Variants in PTK7 observed in about 807,000 individuals in gnomAD.
PTK7 encodes inactive tyrosine-protein kinase 7.
Under a neutral mutation model 116.6 loss-of-function variants are expected in PTK7, and 39 were observed. That is an observed-to-expected ratio of 0.33 (90% CI 0.26 to 0.44). The LOEUF (loss-of-function observed/expected upper bound fraction) is 0.44, where lower values mean the gene tolerates loss of function less well. Ranked by LOEUF, PTK7 falls within the 20% of genes least tolerant of loss-of-function variation. The probability of loss-of-function intolerance (pLI) is 1.00; values close to 1 mark genes in which losing one functional copy is unlikely to be tolerated. For missense variants in PTK7, 1,169 were observed against 1,425.6 expected, an observed-to-expected ratio of 0.82 and a Z score of 2.90; for synonymous variants, 546 against 563.6, an observed-to-expected ratio of 0.97 and a Z score of 0.44.
chr6:43,144,211 G>C, intron 14 of PTK7: 1 of 536,576 alleles, frequency 1.9e-6, no homozygotes, highest in South Asian at 2.4e-5. Flanking sequence ...TCTGCAGTTG[G>C]CTTCATCTCA....
rs1771830451 is a variant in PTK7, at chr6:43,161,283, A to G, written c.*402A>G. On this transcript the variant is annotated 3_prime_UTR_variant, in exon 20 of 20. Transcript: ENST00000230419. ...CTGGGTTTGTGGGGAGTTCCTTAAT[A>G]TTCTCAAGTTCTGGGCACACAGGGT... 5.0e-6 allele frequency: 1 copy of G among 199,820 alleles called. No individual in the cohort carries two copies. The highest frequency in any genetic ancestry group is 5.3e-5 in the Admixed American group (1 of 19,014). 12.4% of individuals were successfully genotyped at this position (199,820 alleles called of 1,614,324 possible).
rs55849103 is a variant in PTK7, at chr6:43,132,106, C to T, written c.903C>T (p.Cys301=). 1.8e-4 allele frequency: 287 copies of T among 1,614,108 alleles called. 1 individual carries two copies. The East Asian group carries it at 6.1e-3, about 34-fold the overall frequency. The part of the protein sequence containing the change: ...VRPRNAGIYR[C]IGQGQRGPPI... ...CACGCAATGCAGGGATCTACCGCTG[C>T]ATTGGCCAGGGGCAGAGGGGCCCAC... is the stretch of plus-strand genomic sequence containing the variant. Residue 301 remains cysteine (C), a synonymous_variant, in exon 6 of 20, where the codon TGC becomes TGT. Transcript: ENST00000230419.
intron 17 of PTK7, among the ~76,000 whole-genome samples, chr6:43,155,409 G>A (rs1441424847): frequency 2.0e-5 from 3 of 151,982 alleles, no homozygotes; most frequent in Non-Finnish European, 2.9e-5. Context: ...TTTGGGAGCC[G>A]AGGCAGGTGG....
intron 1 of PTK7, among the ~76,000 whole-genome samples, chr6:43,088,779 G>A (rs903048986): frequency 2.0e-5 from 3 of 152,136 alleles, no homozygotes; most frequent in African/African-American, 7.2e-5. Context: ...AGAACACTGT[G>A]CCTAAATCCC....
intron 17 of PTK7, among the ~76,000 whole-genome samples, chr6:43,149,840 T>C (rs1014548679): frequency 2.6e-5 from 4 of 152,126 alleles, no homozygotes; most frequent in African/African-American, 9.7e-5. Context: ...GAAATGGGGG[T>C]CTCGCCATGT....
At chr6:43,155,623 T>C (rs539610229) in intron 17 of PTK7, among the ~76,000 whole-genome samples, 2 of 150,420 alleles carry the variant, frequency 1.3e-5, no homozygotes, top group African/African-American at 4.9e-5. Context: ...CACTCCAGCC[T>C]GGCAACAGAA....
At chr6:43,109,780 ACT>A (rs1422683563) in intron 1 of PTK7, among the ~76,000 whole-genome samples, 1 of 147,180 alleles carries the variant, frequency 6.8e-6, no homozygotes, top group African/African-American at 2.5e-5. Context: ...CTCACTGCAA[ACT>A]CTGCCTCCCG....
chr6:43,152,017 T>G (rs973737450), intron 17 of PTK7, among the ~76,000 whole-genome samples: 2 of 151,868 alleles, frequency 1.3e-5, no homozygotes, highest in Non-Finnish European at 2.9e-5. Flanking sequence ...ACTAATTTTT[T>G]GTATTTTTTT....
chr6:43,112,583 T>C (rs1768255845), intron 1 of PTK7, among the ~76,000 whole-genome samples: 1 of 152,124 alleles, frequency 6.6e-6, no homozygotes, highest in Non-Finnish European at 1.5e-5. Flanking sequence ...CTGGCTAATT[T>C]TTGTATTTTT....
chr6:43,087,976 G>A (rs976253701), intron 1 of PTK7, among the ~76,000 whole-genome samples: 2 of 152,176 alleles, frequency 1.3e-5, no homozygotes, highest in Non-Finnish European at 2.9e-5. Flanking sequence ...ACAAAAGTAC[G>A]ATCTGCCTAG....
chr6:43,150,043 TG>T (rs1770977100), intron 17 of PTK7, among the ~76,000 whole-genome samples: 1 of 152,210 alleles, frequency 6.6e-6, no homozygotes, highest in African/African-American at 2.4e-5. Context: ...GTTGGCATAA[TG>T]GTAGGTAATG....
intron 1 of PTK7, among the ~76,000 whole-genome samples, chr6:43,103,753 C>A (rs1582096128): frequency 6.6e-6 from 1 of 152,210 alleles, no homozygotes; most frequent in African/African-American, 2.4e-5. Context: ...ATGACTCTTC[C>A]CTCCAGGGAA....
At chr6:43,130,107 C>A in intron 3 of PTK7, 123 bp from the exon 4 acceptor site, 2 of 1,081,914 alleles carry the variant, frequency 1.8e-6, no homozygotes, top group Non-Finnish European at 2.7e-6. Flanking sequence ...AGTCCCTTCC[C>A]TTCCTCAGGC....
At chr6:43,082,419 G>A (rs1249970052) in intron 1 of PTK7, among the ~76,000 whole-genome samples, 5 of 151,940 alleles carry the variant, frequency 3.3e-5, no homozygotes, top group African/African-American at 1.2e-4. Flanking sequence ...TTCATGATCC[G>A]CCCACCTCAG....
Position 43,101,930 on chromosome 6 carries a change from T to C in PTK7, c.79+25363T>C, listed in dbSNP as rs369467059. Among the ~76,000 whole-genome samples the C allele has an allele frequency of 1.8e-3, 267 of 152,314 alleles. 2 individuals are homozygous for C. Among genetic ancestry groups the C allele is most frequent in the African/African-American group, 5.4e-3 (223 of 41,578 alleles). ...GTCAGAGGTGGCTGGGCGTGGTGGT[T>C]CACGCCTGTAATCCCAGCACTTTGG... On this transcript the variant is annotated intron_variant, in intron 1 of 19. Coordinates refer to ENST00000230419, the MANE Select transcript of PTK7 (RefSeq NM_002821.5).
At chr6:43,114,558 C>T (rs995889843) in intron 1 of PTK7, among the ~76,000 whole-genome samples, 1 of 152,094 alleles carries the variant, frequency 6.6e-6, no homozygotes, top group African/African-American at 2.4e-5. Context: ...AGCCAGATCT[C>T]GGTGCCTTCC....
At chr6:43,144,865 A>AAT in intron 15 of PTK7, 1 of 426,420 alleles carries the variant, frequency 2.3e-6, no homozygotes, top group Non-Finnish European at 4.1e-6. Context: ...AAAAAAAAAA[A>AAT]CTAAGTTACC....
intron 1 of PTK7, among the ~76,000 whole-genome samples, chr6:43,097,245 C>T (rs541392991): frequency 8.5e-4 from 129 of 152,296 alleles, no homozygotes; most frequent in South Asian, 7.9e-3. Flanking sequence ...AACCTGAAGC[C>T]GGTGCTGTCT....
intron 1 of PTK7, among the ~76,000 whole-genome samples, chr6:43,095,286 C>A (rs1428960566): frequency 1.3e-5 from 2 of 148,826 alleles, no homozygotes; most frequent in African/African-American, 5.0e-5. Context: ...GCAGGAGAAT[C>A]GCTTGAACCT....
Sources: gnomAD v4.1 joint callset for allele counts (sites outside exome capture counted in the v4.1 genomes callset) on GRCh38, gnomAD v4.1.1 for gene constraint, MANE v1.5 for transcripts, NCBI Gene and HGNC (gene_info 2026-07-23, HGNC 2026-07-21) for gene names.